SLC23A2: variants seen among roughly 807,000 people sequenced by gnomAD.
SLC23A2 encodes the protein solute carrier family 23 member 2.
SLC23A2 carries 36 observed loss-of-function variants against 73.3 expected under a neutral mutation model. The ratio of observed to expected loss-of-function variants is 0.49; its 90% confidence interval spans 0.38 to 0.65. The LOEUF is 0.65. Ranked by LOEUF, SLC23A2 falls within the 30% of genes least tolerant of loss-of-function variation. The pLI is 0.00. For missense variants in SLC23A2, 507 were observed against 841.6 expected, an observed-to-expected ratio of 0.60 and a Z score of 4.92; for synonymous variants, 343 against 327.3, an observed-to-expected ratio of 1.05 and a Z score of -0.52.
rs1316235088 is a variant in SLC23A2, at chr20:4,874,591, C to G, written c.930G>C (p.Leu310=). 6.3e-7 allele frequency: 1 copy of G among 1,598,194 alleles called. No homozygotes were observed. The highest frequency in any genetic ancestry group is 8.5e-7 in the Non-Finnish European group (1 of 1,173,830). The change falls in exon 10 of 17, where the codon CTG becomes CTC. Residue 310 remains leucine, a synonymous_variant. Transcript: ENST00000338244. Reference sequence around the variant, plus strand: ...AGCTACTCACAGGGAACATTTTGAACAGCTGTAACTTGTACGCAGTCCATC... The same window carrying G: ...AGCTACTCACAGGGAACATTTTGAAGAGCTGTAACTTGTACGCAGTCCATC... The part of the protein sequence containing the change: ...KKGWTAYKLQ[L]FKMFPIILAI...
chr20:4,956,800 CT>C (rs759658782), intron 2 of SLC23A2, among the ~76,000 whole-genome samples: 2,638 of 111,924 alleles, frequency 0.024, 84 homozygotes, highest in African/African-American at 0.079. Flanking sequence ...CTTCCCTCTT[CT>C]TTTTTTTTTT....
At chr20:4,955,231 G>A (rs111774405) in intron 2 of SLC23A2, among the ~76,000 whole-genome samples, 3 of 151,868 alleles carry the variant, frequency 2.0e-5, no homozygotes, top group Non-Finnish European at 2.9e-5. Flanking sequence ...TCCAGCCTGG[G>A]CAACAGAGTT....
chr20:4,925,059 C>T (rs1932624745), intron 3 of SLC23A2, among the ~76,000 whole-genome samples: 1 of 151,980 alleles, frequency 6.6e-6, no homozygotes, highest in African/African-American at 2.4e-5. Flanking sequence ...GTGGCATGTG[C>T]CATATTTCAG....
chr20:4,920,680 G>C (rs1323789194), intron 3 of SLC23A2, among the ~76,000 whole-genome samples: 1 of 152,172 alleles, frequency 6.6e-6, no homozygotes, highest in Non-Finnish European at 1.5e-5. Context: ...CTGTATATCA[G>C]AAAGTGAAAA....
At chr20:4,956,469 G>A (rs2087289949) in intron 2 of SLC23A2, among the ~76,000 whole-genome samples, 2 of 152,156 alleles carry the variant, frequency 1.3e-5, no homozygotes, top group African/African-American at 2.4e-5. Context: ...AACTTCTTCT[G>A]GAAAATTTCA....
intron 9 of SLC23A2, among the ~76,000 whole-genome samples, chr20:4,875,068 T>C (rs894674974): frequency 3.3e-5 from 5 of 152,196 alleles, no homozygotes; most frequent in Admixed American, 2.0e-4. Context: ...AACTGTAAGA[T>C]TATAACTATG....
At chr20:4,952,256 G>A (rs2087215569) in intron 2 of SLC23A2, among the ~76,000 whole-genome samples, 1 of 152,004 alleles carries the variant, frequency 6.6e-6, no homozygotes, top group Non-Finnish European at 1.5e-5. Context: ...TCATATACTT[G>A]GACACATCCT....
At chr20:4,861,520 G>T (rs925122311) in intron 15 of SLC23A2, among the ~76,000 whole-genome samples, 2 of 152,152 alleles carry the variant, frequency 1.3e-5, no homozygotes, top group African/African-American at 4.8e-5. Context: ...AGTTAAAAAG[G>T]TTAATCTTGA....
chr20:4,893,631 CAG>C (rs760691326), intron 6 of SLC23A2, among the ~76,000 whole-genome samples: 19 of 152,150 alleles, frequency 1.2e-4, no homozygotes, highest in Non-Finnish European at 2.4e-4. Context: ...GGATAGAAGA[CAG>C]AGGAACTCTC....
At chr20:4,975,858 CTT>C (rs540235253) in intron 1 of SLC23A2, among the ~76,000 whole-genome samples, 9 of 141,722 alleles carry the variant, frequency 6.4e-5, no homozygotes, top group African/African-American at 5.1e-5. Flanking sequence ...TTCTTTCTTT[CTT>C]TTTTTTTTTT....
chr20:4,980,431 C>T (rs2748897), intron 1 of SLC23A2, among the ~76,000 whole-genome samples: 69,324 of 151,924 alleles, frequency 0.46, 16,187 homozygotes, highest in Admixed American at 0.54. Context: ...ATCTAAGATA[C>T]ATTGCTAAGT....
rs1298882661 is a variant in SLC23A2, at chr20:4,857,552, T to C, written c.1721-348A>G. Reference sequence around the variant, plus strand: ...TTAGGGCCCAGCTCAGGCCATGTTATTGCTTTCCTGGTTCATTCTATCGGT... The same window carrying C: ...TTAGGGCCCAGCTCAGGCCATGTTACTGCTTTCCTGGTTCATTCTATCGGT... On this transcript the variant is annotated intron_variant, in intron 16 of 16. Coordinates refer to ENST00000338244, the MANE Select transcript of SLC23A2 (RefSeq NM_005116.6). This position sits in a 1 kb window ranked among gnomAD's most constrained non-coding sequence, Gnocchi z 4.0. 3.9e-5 allele frequency among the ~76,000 whole-genome samples: 6 copies of C among 152,172 alleles called. No individual in the cohort carries two copies. The highest frequency in any genetic ancestry group is 1.2e-4 in the African/African-American group (5 of 41,442).
chr20:4,950,779 G>A (rs973494753), intron 2 of SLC23A2, among the ~76,000 whole-genome samples: 4 of 152,114 alleles, frequency 2.6e-5, no homozygotes, highest in Admixed American at 6.6e-5. Flanking sequence ...AAGAGGCATC[G>A]ACCATCAGCA....
rs142249557 is a variant in SLC23A2, at chr20:4,912,258, C to T, written c.207+622G>A. The stretch of plus-strand genomic sequence containing the variant: ...AAAATAAACAAAAAAACCACAAACA[C>T]GATTCTCCCCACCTTAGTGTGCCAT... On this transcript the variant is annotated intron_variant, in intron 4 of 16. Coordinates refer to ENST00000338244, the MANE Select transcript of SLC23A2 (RefSeq NM_005116.6). Among the ~76,000 whole-genome samples the T allele has an allele frequency of 6.2e-3, 938 of 152,056 alleles. 5 individuals are homozygous for T. Among genetic ancestry groups the T allele is most frequent in the Non-Finnish European group, 9.5e-3 (645 of 67,962 alleles).
intron 11 of SLC23A2, among the ~76,000 whole-genome samples, chr20:4,871,119 C>T (rs1930430396): frequency 1.3e-5 from 2 of 152,166 alleles, no homozygotes; most frequent in Non-Finnish European, 2.9e-5. Flanking sequence ...AGGAGTAGCC[C>T]TTCTTCCGTT....
chr20:4,918,498 TTG>T (rs1427480755), intron 3 of SLC23A2, among the ~76,000 whole-genome samples: 2 of 152,204 alleles, frequency 1.3e-5, no homozygotes, highest in Non-Finnish European at 2.9e-5. Context: ...GTCTTTTTGC[TTG>T]TGTTTTATTT....
intron 10 of SLC23A2, 100 bp from the exon 11 acceptor site, chr20:4,874,192 A>AC: frequency 8.8e-7 from 1 of 1,130,124 alleles, no homozygotes; most frequent in Non-Finnish European, 1.3e-6. Flanking sequence ...CCCAGAGCCC[A>AC]CCACAGTCAG....
intron 2 of SLC23A2, among the ~76,000 whole-genome samples, chr20:4,944,131 T>C (rs532580494): frequency 6.6e-6 from 1 of 152,228 alleles, no homozygotes; most frequent in Non-Finnish European, 1.5e-5. Flanking sequence ...AAATTGACTT[T>C]AGAAGACTAA....
At chr20:4,931,889 T>G (rs1178479986) in intron 3 of SLC23A2, among the ~76,000 whole-genome samples, 1 of 152,242 alleles carries the variant, frequency 6.6e-6, no homozygotes, top group African/African-American at 2.4e-5. Context: ...TTTTTCTGTT[T>G]TTAAACCAAC....
Sources: gnomAD v4.1 joint callset for allele counts (sites outside exome capture counted in the v4.1 genomes callset) on GRCh38, gnomAD v4.1.1 for gene constraint, Gnocchi (gnomAD v3.1) non-coding constraint, MANE v1.5 for transcripts, NCBI Gene and HGNC (gene_info 2026-07-23, HGNC 2026-07-21) for gene names.